DNAAF9: variants seen among roughly 807,000 people sequenced by gnomAD.
DNAAF9 encodes the protein shulin.
DNAAF9 carries 90 observed loss-of-function variants against 167.0 expected under a neutral mutation model. The observed-to-expected ratio is 0.54, with a 90% CI of 0.45 to 0.64. The LOEUF (loss-of-function observed/expected upper bound fraction) is 0.64. DNAAF9 is among the 30% of genes least tolerant of loss of function. The pLI is 0.00. For missense variants in DNAAF9, 1,315 were observed against 1,442.2 expected (o/e 0.91, Z 1.43); for synonymous variants, 491 against 508.8 (o/e 0.96, Z 0.47).
At chr20:3,284,272 C>T (rs1404173180) in intron 27 of DNAAF9, among the ~76,000 whole-genome samples, 1 of 151,440 alleles carries the variant, frequency 6.6e-6, no homozygotes, top group Admixed American at 6.6e-5. Context: ...ACTCTGCCTC[C>T]CAGGCTCAAG....
At chr20:3,386,448 A>C (rs1461901548) in intron 1 of DNAAF9, among the ~76,000 whole-genome samples, 2 of 152,210 alleles carry the variant, frequency 1.3e-5, no homozygotes, top group Non-Finnish European at 2.9e-5. Flanking sequence ...GTAAACCTCA[A>C]CCTTACACAT....
chr20:3,397,242 C>G (rs11697377), intron 1 of DNAAF9, among the ~76,000 whole-genome samples: 2 of 137,224 alleles, frequency 1.5e-5, no homozygotes, highest in Non-Finnish European at 3.1e-5. Flanking sequence ...AGTGAGACCC[C>G]GTATCAAAAA....
intron 1 of DNAAF9, among the ~76,000 whole-genome samples, chr20:3,397,418 A>G (rs1207572574): frequency 1.3e-5 from 2 of 152,046 alleles, no homozygotes; most frequent in Non-Finnish European, 2.9e-5. Flanking sequence ...TCCTGGGTTC[A>G]CACCATTCTC....
intron 7 of DNAAF9, among the ~76,000 whole-genome samples, chr20:3,350,544 A>G (rs1429877026): frequency 2.0e-5 from 3 of 152,174 alleles, no homozygotes; most frequent in African/African-American, 7.2e-5. Context: ...ATTTAGAAAC[A>G]ATGGCCAAAC....
chr20:3,310,375 A>AAGAAAGAAAGAAAGAG (rs2069390160), intron 20 of DNAAF9, among the ~76,000 whole-genome samples: 3 of 151,382 alleles, frequency 2.0e-5, no homozygotes, highest in Admixed American at 6.6e-5. Flanking sequence ...GAAAGAAAGA[A>AAGAAAGAAAGAAAGAG]AGAAAGAAAG....
chr20:3,338,930 A>G (rs1321757724), intron 10 of DNAAF9, among the ~76,000 whole-genome samples: 1 of 151,464 alleles, frequency 6.6e-6, no homozygotes, highest in Non-Finnish European at 1.5e-5. Context: ...CTGGGATTAC[A>G]GGTGTGAGCC....
rs553665213 is a variant in DNAAF9, at chr20:3,396,505, G to C, written c.83+10970C>G. ...TTTTAAGGGAGGGAGGCGTGAGAGA[G>C]GAGAGATAAACTAAATAAGTAAGTA... On this transcript the variant is annotated intron_variant, in intron 1 of 36. Coordinates refer to ENST00000252032, the MANE Select transcript of DNAAF9 (RefSeq NM_001009984.3). Among the ~76,000 whole-genome samples, 6 of 152,326 alleles carry C rather than the reference G, an allele frequency of 3.9e-5. No homozygotes were observed. The East Asian group carries it at 1.2e-3, about 29-fold the overall frequency.
At chr20:3,362,286 G>T in intron 6 of DNAAF9, 1 of 1,198,260 alleles carries the variant, frequency 8.3e-7, no homozygotes, top group Non-Finnish European at 1.2e-6. Flanking sequence ...GTTGGAAATT[G>T]CAAGGGACTT....
Position 3,374,084 on chromosome 20 carries a change from G to T in DNAAF9, c.576C>A (p.Gly192=), listed in dbSNP as rs372658417. The T allele has an allele frequency of 2.7e-5, 43 of 1,612,864 alleles. No individual in the cohort carries two copies. Among genetic ancestry groups the T allele is most frequent in the Non-Finnish European group, 3.6e-5 (43 of 1,179,110 alleles). The change falls in exon 6 of 37, where the codon GGC becomes GGA. Residue 192 remains glycine, a synonymous_variant. Transcript: ENST00000252032. ...TGGTAAAAAATCCATCCCCTCCAATGCCCTCAAGTGCAAAGGCCTGTACAA... is the reference window on the plus strand; with the variant it reads ...TGGTAAAAAATCCATCCCCTCCAATTCCCTCAAGTGCAAAGGCCTGTACAA... ...WPIVQAFALE[G]IGGDGFFTMK...
intron 29 of DNAAF9, among the ~76,000 whole-genome samples, chr20:3,273,403 G>A (rs1459009675): frequency 6.6e-6 from 1 of 152,144 alleles, no homozygotes; most frequent in Non-Finnish European, 1.5e-5. Flanking sequence ...AATTTATAAA[G>A]AACCTTTAGC....
At chr20:3,294,745 A>G in intron 23 of DNAAF9, 116 bp from the exon 24 acceptor site, 1 of 667,652 alleles carries the variant, frequency 1.5e-6, no homozygotes, top group Non-Finnish European at 2.7e-6. Context: ...ACTCTTCCAA[A>G]ACACACATCT....
intron 1 of DNAAF9, among the ~76,000 whole-genome samples, chr20:3,397,710 GAT>G (rs1491347719): frequency 1.6e-5 from 1 of 64,168 alleles, no homozygotes; most frequent in East Asian, 4.5e-4. Flanking sequence ...ATTTTAAGCA[GAT>G]TTTTTTTGGG....
intron 25 of DNAAF9, among the ~76,000 whole-genome samples, chr20:3,293,185 C>G (rs1489424447): frequency 1.4e-5 from 2 of 141,378 alleles, no homozygotes; most frequent in Admixed American, 7.5e-5. Context: ...CCCAGCTACT[C>G]GGGATGCTGA....
intron 9 of DNAAF9, among the ~76,000 whole-genome samples, chr20:3,341,011 T>C (rs1184635411): frequency 3.9e-5 from 6 of 152,202 alleles, no homozygotes; most frequent in Non-Finnish European, 8.8e-5. Flanking sequence ...ATGACAGTTA[T>C]GATACTTGGA....
intron 6 of DNAAF9, among the ~76,000 whole-genome samples, chr20:3,370,323 A>C (rs978304025): frequency 6.6e-6 from 1 of 151,886 alleles, no homozygotes; most frequent in African/African-American, 2.4e-5. Flanking sequence ...CAATCAGCCC[A>C]CTGCAGCCTG....
At chr20:3,392,327 C>T (rs1162088184) in intron 1 of DNAAF9, among the ~76,000 whole-genome samples, 4 of 152,144 alleles carry the variant, frequency 2.6e-5, no homozygotes, top group Admixed American at 6.6e-5. Flanking sequence ...ATGCAGCTTA[C>T]GTCAAAGATG....
chr20:3,255,632 C>G (rs1177205911), intron 34 of DNAAF9, among the ~76,000 whole-genome samples: 1 of 152,126 alleles, frequency 6.6e-6, no homozygotes, highest in Non-Finnish European at 1.5e-5. Flanking sequence ...GAAGCTTATC[C>G]AAGTGAGGCA....
At chr20:3,393,063 C>T (rs1016203149) in intron 1 of DNAAF9, among the ~76,000 whole-genome samples, 2 of 152,120 alleles carry the variant, frequency 1.3e-5, no homozygotes, top group African/African-American at 4.8e-5. Context: ...TAACATTATA[C>T]CTCAGAGATC....
At chr20:3,355,171 T>C (rs2083267227) in intron 7 of DNAAF9, among the ~76,000 whole-genome samples, 1 of 152,256 alleles carries the variant, frequency 6.6e-6, no homozygotes, top group Non-Finnish European at 1.5e-5. Context: ...TGTATATTTG[T>C]GCATTTTCAC....
Sources: gnomAD v4.1 joint callset for allele counts (sites outside exome capture counted in the v4.1 genomes callset) on GRCh38, gnomAD v4.1.1 for gene constraint, MANE v1.5 for transcripts, NCBI Gene and HGNC (gene_info 2026-07-23, HGNC 2026-07-21) for gene names.